Variants in GLRA1 observed in about 807,000 individuals in gnomAD.
GLRA1 encodes the protein glycine receptor alpha 1.
In GLRA1, 37 loss-of-function variants were observed where a neutral mutation model predicts 48.3. The ratio of observed to expected loss-of-function variants is 0.77; its 90% CI spans 0.59 to 1.01. GLRA1 has a LOEUF of 1.01. GLRA1 is among the 50% of genes least tolerant of loss of function. The pLI, the probability that GLRA1 is intolerant of heterozygous loss-of-function variation, is 0.00. For missense variants in GLRA1, 427 were observed against 571.0 expected (o/e 0.75, Z 2.57); for synonymous variants, 196 against 210.7 (o/e 0.93, Z 0.60).
intron 3 of GLRA1, among the ~76,000 whole-genome samples, chr5:151,870,271 G>A (rs909160115): frequency 6.7e-6 from 1 of 149,350 alleles, no homozygotes; most frequent in South Asian, 2.1e-4. Flanking sequence ...ATAACTGGTT[G>A]CCAAAGGGTG....
intron 1 of GLRA1, among the ~76,000 whole-genome samples, chr5:151,911,425 C>G (rs147182164): frequency 3.3e-5 from 5 of 152,208 alleles, no homozygotes; most frequent in African/African-American, 1.2e-4. Context: ...ACTATATGCC[C>G]TCTCCCTTTT....
intron 3 of GLRA1, among the ~76,000 whole-genome samples, chr5:151,877,518 CACA>C (rs776366846): frequency 2.6e-4 from 40 of 151,898 alleles, no homozygotes; most frequent in Admixed American, 1.7e-3. Flanking sequence ...AAAACAAAAA[CACA>C]ACAACAACAA....
chr5:151,875,347 A>T (rs1338823807), intron 3 of GLRA1, among the ~76,000 whole-genome samples: 5 of 151,900 alleles, frequency 3.3e-5, no homozygotes, highest in Admixed American at 3.3e-4. Flanking sequence ...TGATATTTTA[A>T]TTTTTTTGTA....
In GLRA1 at chr5:151,874,425, G is replaced by A. The variant is rs531921201; in HGVS notation, c.252+12296C>T. Reference sequence around the variant, plus strand: ...TAGTAGGTTCCCCATCACTGGAGGTGTGCAAGCAAAAAGTACTTGGATATG... The same window carrying A: ...TAGTAGGTTCCCCATCACTGGAGGTATGCAAGCAAAAAGTACTTGGATATG... On this transcript the variant is annotated intron_variant, in intron 3 of 8. Transcript: ENST00000274576. Among the ~76,000 whole-genome samples the A allele has an allele frequency of 3.3e-5, 5 of 152,248 alleles. No homozygotes were observed. The South Asian group carries it at 1.0e-3, about 32-fold the overall frequency.
intron 7 of GLRA1, chr5:151,850,083 T>C (rs1012130208): frequency 1.2e-5 from 20 of 1,603,936 alleles, no homozygotes; most frequent in Non-Finnish European, 1.7e-5. Context: ...GGAGCAGGAA[T>C]ATACCCTCAT....
intron 7 of GLRA1, 117 bp from the exon 8 acceptor site, chr5:151,829,184 T>C: frequency 2.1e-6 from 2 of 963,490 alleles, no homozygotes; most frequent in South Asian, 2.9e-5. Flanking sequence ...TGCTGTCTGC[T>C]TCTCAGCTGG....
intron 3 of GLRA1, among the ~76,000 whole-genome samples, chr5:151,879,269 A>G (rs904954075): frequency 6.6e-6 from 1 of 152,040 alleles, no homozygotes; most frequent in Admixed American, 6.5e-5. Context: ...TCTCCCATTT[A>G]GAATGGCTGT....
At chr5:151,908,049 G>T (rs182154513) in intron 1 of GLRA1, among the ~76,000 whole-genome samples, 2 of 151,916 alleles carry the variant, frequency 1.3e-5, no homozygotes, top group Non-Finnish European at 2.9e-5. Flanking sequence ...AGGTGAGGAA[G>T]AGGAGGAAGG....
intron 7 of GLRA1, among the ~76,000 whole-genome samples, chr5:151,837,896 G>T (rs1478844076): frequency 6.6e-6 from 1 of 152,098 alleles, no homozygotes; most frequent in Non-Finnish European, 1.5e-5. Context: ...CCACCATGAC[G>T]TGTGTATACC....
chr5:151,923,964 A>T (rs557940101), intron 1 of GLRA1, among the ~76,000 whole-genome samples: 2 of 152,290 alleles, frequency 1.3e-5, no homozygotes, highest in African/African-American at 4.8e-5. Flanking sequence ...CTCTTCGCAG[A>T]AAAAGAAAAC....
chr5:151,860,009 C>T lies in GLRA1; in HGVS notation c.253-1G>A. ...GCAGGAAGATGTTGACCCTATAGTC[C>T]TACAGCCAGGAAATAACAAGGTGAA... On this transcript the variant is annotated splice_acceptor_variant, in intron 3 of 8. Transcript: ENST00000274576. LOFTEE classifies it high-confidence loss of function. 6.2e-7 allele frequency: 1 copy of T among 1,611,124 alleles called. No homozygotes were observed. Among genetic ancestry groups the T allele is most frequent in the African/African-American group, 1.3e-5 (1 of 74,976 alleles).
intron 7 of GLRA1, among the ~76,000 whole-genome samples, chr5:151,845,020 A>T (rs1025467045): frequency 1.3e-5 from 2 of 152,166 alleles, no homozygotes; most frequent in East Asian, 1.9e-4. Context: ...ATCATTTTTT[A>T]AAATTTTATT....
chr5:151,822,646 C>A lies in GLRA1; in HGVS notation c.*27G>T. The A allele has an allele frequency of 1.3e-6, 2 of 1,554,682 alleles. No homozygotes were observed. Among genetic ancestry groups the A allele is most frequent in the East Asian group, 4.5e-5 (2 of 44,624 alleles). On this transcript the variant is annotated 3_prime_UTR_variant, in exon 9 of 9. Transcript: ENST00000274576. ...TGTGCTATTCCCACGTTCCCCTCTC[C>A]CAGCCTCCCCCAACCTTTCAGACCC...
In GLRA1 at chr5:151,924,717, G is replaced by T; in HGVS notation, c.-168C>A. 1.5e-6 allele frequency: 1 copy of T among 685,568 alleles called. No individual in the cohort carries two copies. Among genetic ancestry groups the T allele is most frequent in the South Asian group, 1.6e-5 (1 of 63,942 alleles). 42.5% of individuals were successfully genotyped at this position (685,568 alleles called of 1,614,324 possible). A position where few individuals can be genotyped will look rare whatever the true frequency, so the allele number is the denominator to read the frequency against. The stretch of plus-strand genomic sequence containing the variant: ...CCCCAGGGGAAATTGGAGCGAGGGG[G>T]TCGTAGATACCACGGACAGCGGCGG... On this transcript the variant is annotated 5_prime_UTR_variant, in exon 1 of 9. Transcript: ENST00000274576.
At chr5:151,826,274 C>T (rs1763266850) in intron 8 of GLRA1, among the ~76,000 whole-genome samples, 1 of 152,140 alleles carries the variant, frequency 6.6e-6, no homozygotes, top group South Asian at 2.1e-4. Context: ...ATGCTGACCC[C>T]TTAAGTCCAG....
chr5:151,827,002 G>A (rs954510884), intron 8 of GLRA1, among the ~76,000 whole-genome samples: 42 of 147,216 alleles, frequency 2.9e-4, no homozygotes, highest in African/African-American at 1.0e-3. Flanking sequence ...AGATACTTAC[G>A]TTTGGTCAGT....
chr5:151,910,811 C>T (rs1754589570), intron 1 of GLRA1, among the ~76,000 whole-genome samples: 4 of 152,122 alleles, frequency 2.6e-5, no homozygotes, highest in Admixed American at 2.6e-4. Context: ...CCCTCTCTTG[C>T]TTTATTGGGT....
chr5:151,850,877 G>A (rs1752887556), intron 7 of GLRA1: 3 of 626,102 alleles, frequency 4.8e-6, no homozygotes, highest in African/African-American at 1.8e-5. Flanking sequence ...TGTCCCAATT[G>A]CAACTCAAAG....
intron 1 of GLRA1, among the ~76,000 whole-genome samples, chr5:151,903,190 A>G (rs1754404144): frequency 6.6e-6 from 1 of 152,216 alleles, no homozygotes; most frequent in Non-Finnish European, 1.5e-5. Flanking sequence ...GTGGTCTTCA[A>G]GTATCCAAAG....
Sources: allele counts gnomAD v4.1 joint callset (sites outside exome capture counted in the v4.1 genomes callset), GRCh38; gene constraint gnomAD v4.1.1; transcripts MANE v1.5; gene names NCBI Gene and HGNC (gene_info 2026-07-23, HGNC 2026-07-21).